Variants in VSNL1 observed in about 807,000 individuals in gnomAD.
VSNL1 encodes visinin-like protein 1.
VSNL1 carries 6 observed loss-of-function variants against 20.4 expected under a neutral mutation model. That is an observed-to-expected ratio of 0.29 (90% CI 0.16 to 0.58). The LOEUF (loss-of-function observed/expected upper bound fraction) is 0.58. VSNL1 is among the 20% of genes least tolerant of loss of function. The pLI, the probability that VSNL1 is intolerant of heterozygous loss-of-function variation, is 0.90. For synonymous variants in VSNL1, 93 were observed against 86.4 expected, an observed-to-expected ratio of 1.08 and a Z score of -0.42; for missense variants, 100 against 234.5, an observed-to-expected ratio of 0.43 and a Z score of 3.75.
chr2:17,631,783 T>C (rs1024931408), intron 2 of VSNL1, among the ~76,000 whole-genome samples: 4 of 152,220 alleles, frequency 2.6e-5, no homozygotes, highest in African/African-American at 7.2e-5. Context: ...AATGAATAAA[T>C]CTAGAGTTAT....
chr2:17,607,129 G>T (rs572375618), intron 2 of VSNL1, among the ~76,000 whole-genome samples: 1 of 152,280 alleles, frequency 6.6e-6, no homozygotes, highest in Non-Finnish European at 1.5e-5. Context: ...TCTTAGTGGG[G>T]TCTTATGTTC....
At chr2:17,552,181 C>CA (rs1663556577) in intron 1 of VSNL1, among the ~76,000 whole-genome samples, 1 of 131,570 alleles carries the variant, frequency 7.6e-6, no homozygotes, top group African/African-American at 2.7e-5. Context: ...GCCTGGGCGA[C>CA]AGAGCGAGAT....
At chr2:17,594,239 G>A (rs553216712) in intron 2 of VSNL1, among the ~76,000 whole-genome samples, 29 of 152,278 alleles carry the variant, frequency 1.9e-4, no homozygotes, top group Non-Finnish European at 3.5e-4. Context: ...CCTAGAGTGG[G>A]TTTTTTATTC....
At chr2:17,589,045 T>C (rs372453256) in intron 1 of VSNL1, among the ~76,000 whole-genome samples, 1 of 152,170 alleles carries the variant, frequency 6.6e-6, no homozygotes, top group Non-Finnish European at 1.5e-5. Flanking sequence ...GAAAGGGAGA[T>C]ACCTAAGAGA....
At chr2:17,551,395 A>G (rs1322562219) in intron 1 of VSNL1, among the ~76,000 whole-genome samples, 1 of 152,166 alleles carries the variant, frequency 6.6e-6, no homozygotes. Context: ...TCTAGAAACA[A>G]CCACTTTTCT....
chr2:17,562,699 A>C (rs1442254188), intron 1 of VSNL1, among the ~76,000 whole-genome samples: 1 of 152,224 alleles, frequency 6.6e-6, no homozygotes, highest in Non-Finnish European at 1.5e-5. Context: ...TAAACATCAG[A>C]ACTAGCCCTC....
chr2:17,616,387 C>G (rs1665217420), intron 2 of VSNL1, among the ~76,000 whole-genome samples: 1 of 152,234 alleles, frequency 6.6e-6, no homozygotes, highest in African/African-American at 2.4e-5. Flanking sequence ...TGATGAGCTC[C>G]AATCGGTGAC....
intron 1 of VSNL1, among the ~76,000 whole-genome samples, chr2:17,564,935 T>C (rs541606304): frequency 6.6e-6 from 1 of 152,336 alleles, no homozygotes; most frequent in African/African-American, 2.4e-5. Flanking sequence ...AATTTGTATG[T>C]CATGAAAATG....
intron 1 of VSNL1, among the ~76,000 whole-genome samples, chr2:17,543,909 T>C (rs1663351622): frequency 6.6e-6 from 1 of 152,180 alleles, no homozygotes; most frequent in Non-Finnish European, 1.5e-5. Flanking sequence ...ATTCTCTGAG[T>C]GCCTATACAA....
chr2:17,655,189 T>TC lies in VSNL1; in HGVS notation c.379-4dup, dbSNP rs760919487. On this transcript the variant is annotated splice_polypyrimidine_tract_variant and splice_region_variant and intron_variant, in intron 3 of 3. Coordinates refer to ENST00000295156, the MANE Select transcript of VSNL1 (RefSeq NM_003385.5). This position sits in a 1 kb window ranked among gnomAD's most constrained non-coding sequence, Gnocchi z 5.2. ...GGTAATATCACCTACAATGCTTTTT[T>TC]CCCCAAGGCTATCTACAAAATGGTA... 1 of 1,613,218 alleles carries TC rather than the reference T, an allele frequency of 6.2e-7. No homozygotes were observed. Among genetic ancestry groups the TC allele is most frequent in the Non-Finnish European group, 8.5e-7 (1 of 1,179,702 alleles).
chr2:17,632,617 A>G (rs1392151926), intron 2 of VSNL1, among the ~76,000 whole-genome samples: 1 of 152,176 alleles, frequency 6.6e-6, no homozygotes, highest in Non-Finnish European at 1.5e-5. Flanking sequence ...ATCACTCTTA[A>G]TAATAACTCT....
chr2:17,635,560 C>T (rs1665731168), intron 2 of VSNL1, among the ~76,000 whole-genome samples: 1 of 152,166 alleles, frequency 6.6e-6, no homozygotes, highest in South Asian at 2.1e-4. Context: ...CAGGATTCTG[C>T]AGTTGGATTT....
intron 1 of VSNL1, among the ~76,000 whole-genome samples, chr2:17,554,738 G>T (rs1477074813): frequency 6.6e-6 from 1 of 151,982 alleles, no homozygotes; most frequent in African/African-American, 2.4e-5. Flanking sequence ...AGTAATATTC[G>T]CTCATTGTGA....
chr2:17,561,202 G>A (rs1414257402), intron 1 of VSNL1, among the ~76,000 whole-genome samples: 1 of 152,164 alleles, frequency 6.6e-6, no homozygotes, highest in Admixed American at 6.5e-5. Flanking sequence ...ATGGGGTGAA[G>A]AATATGCTCC....
chr2:17,543,505 C>T (rs1369078861), intron 1 of VSNL1, among the ~76,000 whole-genome samples: 1 of 152,174 alleles, frequency 6.6e-6, no homozygotes, highest in Admixed American at 6.5e-5. Flanking sequence ...GCCAGCTCAC[C>T]TCTGGCTCCT....
intron 1 of VSNL1, among the ~76,000 whole-genome samples, chr2:17,575,376 A>G (rs1189103094): frequency 6.6e-6 from 1 of 152,174 alleles, no homozygotes; most frequent in African/African-American, 2.4e-5. Flanking sequence ...AGTCCATAAA[A>G]TAATTGAAAT....
chr2:17,633,467 C>T (rs1034110224), intron 2 of VSNL1, among the ~76,000 whole-genome samples: 3 of 150,488 alleles, frequency 2.0e-5, no homozygotes, highest in African/African-American at 4.9e-5. Context: ...TGCAGGGAGC[C>T]GAGATTACAC....
chr2:17,545,625 A>G (rs1663389391), intron 1 of VSNL1, among the ~76,000 whole-genome samples: 1 of 152,102 alleles, frequency 6.6e-6, no homozygotes, highest in Non-Finnish European at 1.5e-5. Flanking sequence ...TCTAAAGGTA[A>G]CTTATGCACT....
At position 17,556,916 on chromosome 2, in the gene VSNL1, T is replaced by C. The variant is rs1047634834; in HGVS notation, c.-6+15998T>C. Among the ~76,000 whole-genome samples the C allele has an allele frequency of 6.0e-4, 91 of 152,184 alleles. 5 individuals carry two copies. The highest frequency in any genetic ancestry group is 1.5e-5 in the Non-Finnish European group (1 of 68,022). On this transcript the variant is annotated intron_variant, in intron 1 of 3. Coordinates refer to ENST00000295156, the MANE Select transcript of VSNL1 (RefSeq NM_003385.5). ...GGAGCTTACATCTGCCTGAGTTTAGTCATTCAAGGTCTTTTCACTTTTCAC... is the reference window on the plus strand; with the variant it reads ...GGAGCTTACATCTGCCTGAGTTTAGCCATTCAAGGTCTTTTCACTTTTCAC...
Sources: allele counts gnomAD v4.1 joint callset (sites outside exome capture counted in the v4.1 genomes callset), GRCh38; gene constraint gnomAD v4.1.1; non-coding constraint Gnocchi (gnomAD v3.1); transcripts MANE v1.5; gene names NCBI Gene and HGNC (gene_info 2026-07-23, HGNC 2026-07-21).